CFAP54: variants seen among roughly 807,000 people sequenced by gnomAD.
CFAP54 encodes cilia and flagella associated protein 54, also known as cilia- and flagella-associated protein 54.
Under a neutral mutation model 370.4 loss-of-function variants are expected in CFAP54, and 290 were observed. The ratio of observed to expected loss-of-function variants is 0.78; its 90% confidence interval spans 0.71 to 0.86. The LOEUF (loss-of-function observed/expected upper bound fraction) is 0.86. CFAP54 is among the 40% of genes least tolerant of loss of function. The pLI is 0.00. For synonymous variants in CFAP54, 1,206 were observed against 1,236.5 expected, an observed-to-expected ratio of 0.98 and a Z score of 0.52; for missense variants, 3,399 against 3,528.7, an observed-to-expected ratio of 0.96 and a Z score of 0.93.
chr12:96,537,564 ACTC>A (rs1218754272), intron 12 of CFAP54, among the ~76,000 whole-genome samples: 1 of 150,108 alleles, frequency 6.7e-6, no homozygotes, highest in African/African-American at 2.5e-5. Flanking sequence ...CTGGTCTTGA[ACTC>A]CTGACCTCAG....
intron 47 of CFAP54, among the ~76,000 whole-genome samples, chr12:96,705,127 A>G (rs1236286614): frequency 1.3e-5 from 2 of 152,186 alleles, no homozygotes; most frequent in Non-Finnish European, 2.9e-5. Context: ...TGGCACAACC[A>G]TTGTTAAAGG....
intron 56 of CFAP54, among the ~76,000 whole-genome samples, chr12:96,754,591 A>G (rs1275966333): frequency 6.6e-6 from 1 of 152,190 alleles, no homozygotes; most frequent in Admixed American, 6.5e-5. Flanking sequence ...CCAAAAGTCA[A>G]CAGCCACTAA....
intron 40 of CFAP54, among the ~76,000 whole-genome samples, chr12:96,683,477 T>G (rs979683647): frequency 1.3e-5 from 2 of 152,248 alleles, no homozygotes; most frequent in African/African-American, 4.8e-5. Context: ...TTAGAAATCA[T>G]GCAGAAATAC....
intron 50 of CFAP54, among the ~76,000 whole-genome samples, chr12:96,726,765 G>A (rs1244901956): frequency 1.3e-5 from 2 of 152,072 alleles, no homozygotes; most frequent in Non-Finnish European, 2.9e-5. Flanking sequence ...TAATTGTGAT[G>A]TTAGGGTGTC....
At position 96,544,385 on chromosome 12, in the gene CFAP54, C is replaced by T. The variant is rs73374101; in HGVS notation, c.2077+3398C>T. Among the ~76,000 whole-genome samples the T allele has an allele frequency of 5.1e-3, 777 of 151,218 alleles. 12 individuals carry two copies. The highest frequency in any genetic ancestry group is 0.018 in the African/African-American group (733 of 41,146). Reference sequence around the variant, plus strand: ...ATAATGTTGGGGCACTTTAGGCCTCCGAAGCAGTCCTCAGAAAACAGAATA... The same window carrying T: ...ATAATGTTGGGGCACTTTAGGCCTCTGAAGCAGTCCTCAGAAAACAGAATA... On this transcript the variant is annotated intron_variant, in intron 14 of 67. Transcript: ENST00000524981.
intron 62 of CFAP54, among the ~76,000 whole-genome samples, chr12:96,791,868 G>A (rs11108697): frequency 0.41 from 45,381 of 109,954 alleles, 7,388 homozygotes; most frequent in South Asian, 0.61. Flanking sequence ...TTTTTTTTTT[G>A]AGATGGAGTC....
chr12:96,864,891 A>G (rs1382255041), intron 67 of CFAP54, among the ~76,000 whole-genome samples: 1 of 152,180 alleles, frequency 6.6e-6, no homozygotes, highest in Non-Finnish European at 1.5e-5. Flanking sequence ...ATAAAACCTG[A>G]AAACTTAAAT....
chr12:96,715,777 G>C (rs191980446), intron 48 of CFAP54, among the ~76,000 whole-genome samples: 1 of 152,214 alleles, frequency 6.6e-6, no homozygotes, highest in Non-Finnish European at 1.5e-5. Flanking sequence ...TGAGATGCTT[G>C]TATTAATTTT....
intron 44 of CFAP54, among the ~76,000 whole-genome samples, chr12:96,692,581 G>A (rs1957399586): frequency 6.6e-6 from 1 of 152,168 alleles, no homozygotes; most frequent in Non-Finnish European, 1.5e-5. Context: ...ATCGTGTTAT[G>A]TTTGTAGGGC....
intron 26 of CFAP54, among the ~76,000 whole-genome samples, chr12:96,613,917 C>T (rs1281946029): frequency 2.6e-5 from 4 of 151,376 alleles, no homozygotes; most frequent in Non-Finnish European, 4.4e-5. Context: ...GATTCACAGC[C>T]GAATTCTACC....
intron 24 of CFAP54, among the ~76,000 whole-genome samples, chr12:96,593,141 T>C (rs1347592678): frequency 6.6e-6 from 1 of 152,202 alleles, no homozygotes; most frequent in Non-Finnish European, 1.5e-5. Context: ...TATAATATTG[T>C]CTTCATGGAG....
At chr12:96,823,341 G>A (rs1959053864) in intron 65 of CFAP54, among the ~76,000 whole-genome samples, 1 of 152,114 alleles carries the variant, frequency 6.6e-6, no homozygotes, top group Non-Finnish European at 1.5e-5. Context: ...TGCTCAGAGG[G>A]CTTATTCATC....
chr12:96,833,917 G>T (rs1017412775), intron 66 of CFAP54, among the ~76,000 whole-genome samples: 1 of 151,936 alleles, frequency 6.6e-6, no homozygotes, highest in African/African-American at 2.4e-5. Context: ...CTATGACATT[G>T]GTTACCATTA....
chr12:96,688,865 T>C (rs779312050), intron 42 of CFAP54, 51 bp from the exon 43 acceptor site: 1 of 1,088,210 alleles, frequency 9.2e-7, no homozygotes, highest in Non-Finnish European at 1.4e-6. Context: ...TATATCAAAA[T>C]GTTTTTGGAA....
chr12:96,514,618 T>A (rs978310364), intron 5 of CFAP54, among the ~76,000 whole-genome samples: 1 of 152,246 alleles, frequency 6.6e-6, no homozygotes, highest in Non-Finnish European at 1.5e-5. Flanking sequence ...CTGCCAAAGC[T>A]TTGAAGGGCA....
chr12:96,547,479 C>T (rs1167785410), intron 14 of CFAP54, among the ~76,000 whole-genome samples: 1 of 152,142 alleles, frequency 6.6e-6, no homozygotes, highest in Non-Finnish European at 1.5e-5. Flanking sequence ...AGCCACCGCA[C>T]CTGGCCTCTG....
chr12:96,587,893 G>C (rs1041428878), intron 22 of CFAP54, among the ~76,000 whole-genome samples: 7 of 152,006 alleles, frequency 4.6e-5, no homozygotes, highest in African/African-American at 1.4e-4. Flanking sequence ...CGAAGACTTG[G>C]CTTCACTATT....
chr12:96,506,893 T>A (rs1044297978), intron 3 of CFAP54, 35 bp from the exon 4 acceptor site: 1 of 1,491,932 alleles, frequency 6.7e-7, no homozygotes, highest in African/African-American at 1.4e-5. Context: ...GGCCAGTTAT[T>A]TCTATTTCTA....
intron 13 of CFAP54, among the ~76,000 whole-genome samples, chr12:96,539,935 G>A (rs1023364522): frequency 3.3e-5 from 5 of 152,144 alleles, no homozygotes; most frequent in African/African-American, 1.2e-4. Context: ...TAATTTGGAA[G>A]CTGCATAAGA....
Sources: allele counts gnomAD v4.1 joint callset (sites outside exome capture counted in the v4.1 genomes callset), GRCh38; gene constraint gnomAD v4.1.1; transcripts MANE v1.5; gene names NCBI Gene and HGNC (gene_info 2026-07-23, HGNC 2026-07-21).